The following SOS1 variants were observed in gnomAD, a reference collection of about 807,000 sequenced individuals.
The protein encoded by SOS1 is son of sevenless homolog 1.
A neutral mutation model predicts 157.6 loss-of-function variants in SOS1; 25 were observed. The ratio of observed to expected loss-of-function variants is 0.16; its 90% CI spans 0.12 to 0.22. SOS1 has a LOEUF of 0.22. SOS1 is among the 10% of genes least tolerant of loss of function. SOS1 has a pLI of 1.00. For missense variants in SOS1, 1,237 were observed against 1,599.1 expected (o/e 0.77, Z 3.86); for synonymous variants, 528 against 534.0 (o/e 0.99, Z 0.16).
chr2:39,104,051 G>A (rs181283327), intron 1 of SOS1, among the ~76,000 whole-genome samples: 1 of 152,208 alleles, frequency 6.6e-6, no homozygotes, highest in East Asian at 1.9e-4. Flanking sequence ...AAGCCGAGGC[G>A]GGGGTGGATC....
At chr2:39,114,899 A>G (rs1270188708) in intron 1 of SOS1, among the ~76,000 whole-genome samples, 1 of 151,832 alleles carries the variant, frequency 6.6e-6, no homozygotes, top group African/African-American at 2.4e-5. Context: ...CACACAGCCA[A>G]CTCTTTTCTT....
intron 1 of SOS1, among the ~76,000 whole-genome samples, chr2:39,103,252 C>T (rs550860694): frequency 7.2e-5 from 11 of 152,150 alleles, no homozygotes; most frequent in Non-Finnish European, 1.3e-4. Context: ...TGTACAGATT[C>T]GATGCAATCT....
intron 1 of SOS1, 150 bp from the exon 2 acceptor site, chr2:39,067,903 G>A (rs1671643955): frequency 2.9e-6 from 2 of 693,474 alleles, no homozygotes; most frequent in Non-Finnish European, 5.1e-6. Flanking sequence ...CAGATCACCT[G>A]AGGTCAGGAG....
upstream of SOS1, among the ~76,000 whole-genome samples, chr2:39,121,823 T>C (rs150936257): frequency 7.5e-4 from 115 of 152,352 alleles, 1 homozygote; most frequent in East Asian, 0.015. Flanking sequence ...GGAGCAGTAT[T>C]TATAAACTGT....
intron 14 of SOS1, among the ~76,000 whole-genome samples, chr2:39,011,886 C>T (rs899366284): frequency 2.0e-5 from 3 of 152,090 alleles, no homozygotes; most frequent in Non-Finnish European, 4.4e-5. Flanking sequence ...TTGGTAAAGC[C>T]AGGATTTGAA....
At chr2:39,031,394 T>A (rs1452772966) in intron 8 of SOS1, among the ~76,000 whole-genome samples, 1 of 152,168 alleles carries the variant, frequency 6.6e-6, no homozygotes, top group Non-Finnish European at 1.5e-5. Flanking sequence ...AAAAAGTTAA[T>A]ACCTTTGTGG....
In SOS1 at chr2:39,022,666, A is replaced by G. The variant is rs745702386; in HGVS notation, c.1762T>C (p.Phe588Leu). ...GCCTTGGGCTGCATGTTCTCTTCAA[A>G]TATAATATTCTCTTCAGAGTCAGGC... ...AEPDSEENII[F>L]EENMQPKAGI... Residue 588 changes from phenylalanine to leucine, a missense_variant, in exon 10 of 23, where the codon TTT (phenylalanine) becomes CTT (leucine). Transcript: ENST00000402219. The G allele has an allele frequency of 6.2e-7, 1 of 1,613,286 alleles. No homozygotes were observed. The highest frequency in any genetic ancestry group is 8.5e-7 in the Non-Finnish European group (1 of 1,179,338).
chr2:39,072,937 A>C (rs1671837428), intron 1 of SOS1, among the ~76,000 whole-genome samples: 1 of 152,218 alleles, frequency 6.6e-6, no homozygotes, highest in South Asian at 2.1e-4. Context: ...AAACGCAAGC[A>C]GAGTACCAAC....
At chr2:39,046,349 A>G (rs186018759) in intron 6 of SOS1, among the ~76,000 whole-genome samples, 209 of 152,252 alleles carry the variant, frequency 1.4e-3, no homozygotes, top group African/African-American at 4.9e-3. Flanking sequence ...TACATACTGT[A>G]TATTTTGTTA....
intron 2 of SOS1, among the ~76,000 whole-genome samples, chr2:39,066,809 A>G (rs1373279204): frequency 2.0e-5 from 3 of 152,254 alleles, no homozygotes; most frequent in African/African-American, 7.2e-5. Flanking sequence ...ACTGAAGATC[A>G]AAACATTAAC....
In SOS1 at chr2:38,991,751, T is replaced by G. The variant is rs530914143; in HGVS notation, c.3347-2437A>C. 1.4e-4 allele frequency among the ~76,000 whole-genome samples: 22 copies of G among 152,340 alleles called. No individual in the cohort carries two copies. In the South Asian group the frequency reaches 4.6e-3, roughly 32 times the overall value. On this transcript the variant is annotated intron_variant, in intron 20 of 22. Transcript: ENST00000402219. ...GTATTTATGTCTTTACCACTATTTTTAGCGTTTAACTGTGAATCTCTTTGC... is the reference window on the plus strand; with the variant it reads ...GTATTTATGTCTTTACCACTATTTTGAGCGTTTAACTGTGAATCTCTTTGC...
intron 15 of SOS1, among the ~76,000 whole-genome samples, chr2:39,010,075 G>C (rs372120510): frequency 8.7e-4 from 132 of 152,272 alleles, no homozygotes; most frequent in African/African-American, 3.1e-3. Flanking sequence ...CAGCACTTTG[G>C]GAGGCCAAGA....
rs1673853010 is a variant in SOS1 at position 39,120,814 on chromosome 2, G to C, written c.-392C>G. Among the ~76,000 whole-genome samples, 1 of 150,516 alleles carries C rather than the reference G, an allele frequency of 6.6e-6. No homozygotes were observed. Among genetic ancestry groups the C allele is most frequent in the African/African-American group, 2.4e-5 (1 of 41,186 alleles). The stretch of plus-strand genomic sequence containing the variant: ...CCCGCGGCGGAGCTGGCGGCTGGGG[G>C]AGGACGTGTGGAGGGACGCTCCGGC... On this transcript the variant is annotated 5_prime_UTR_variant, in exon 1 of 23. Transcript: ENST00000402219.
chr2:39,035,926 C>T (rs1388797673), intron 6 of SOS1, among the ~76,000 whole-genome samples: 1 of 152,020 alleles, frequency 6.6e-6, no homozygotes, highest in African/African-American at 2.4e-5. Flanking sequence ...CATGTACTTT[C>T]GTATTCTATA....
At chr2:39,007,222 G>T (rs762522066) in intron 15 of SOS1, 29 bp from the exon 16 acceptor site, 2 of 1,374,704 alleles carry the variant, frequency 1.5e-6, no homozygotes, top group African/African-American at 1.4e-5. Flanking sequence ...TGAACTAAAG[G>T]TTTTAGAGTT....
chr2:39,024,741 G>T (rs947566820), intron 8 of SOS1, among the ~76,000 whole-genome samples: 4 of 152,004 alleles, frequency 2.6e-5, no homozygotes, highest in Non-Finnish European at 5.9e-5. Context: ...TACTTTTAGG[G>T]GTTGTTATTA....
At chr2:39,003,748 A>G (rs1669187663) in intron 17 of SOS1, among the ~76,000 whole-genome samples, 1 of 152,236 alleles carries the variant, frequency 6.6e-6, no homozygotes, top group African/African-American at 2.4e-5. Context: ...AAAAATAAAC[A>G]GGCAAAATTG....
chr2:39,055,137 G>A (rs1287893860), intron 4 of SOS1, among the ~76,000 whole-genome samples: 1 of 151,984 alleles, frequency 6.6e-6, no homozygotes, highest in Non-Finnish European at 1.5e-5. Flanking sequence ...GGTTTTCTCT[G>A]TTTTATACCC....
At chr2:39,072,472 C>T (rs1458832473) in intron 1 of SOS1, among the ~76,000 whole-genome samples, 1 of 152,108 alleles carries the variant, frequency 6.6e-6, no homozygotes, top group African/African-American at 2.4e-5. Flanking sequence ...AAGCAGAAAC[C>T]ATTCACAACA....
Sources: allele counts gnomAD v4.1 joint callset (sites outside exome capture counted in the v4.1 genomes callset), GRCh38; gene constraint gnomAD v4.1.1; transcripts MANE v1.5; gene names NCBI Gene and HGNC (gene_info 2026-07-23, HGNC 2026-07-21).